Variants in VAV2 observed in about 807,000 individuals in gnomAD.
VAV2 encodes the protein vav guanine nucleotide exchange factor 2.
In VAV2, 67 loss-of-function variants were observed where a neutral mutation model predicts 132.5. The ratio of observed to expected loss-of-function variants is 0.51; its 90% CI spans 0.42 to 0.62. The LOEUF (loss-of-function observed/expected upper bound fraction) is 0.62. Ranked by LOEUF, VAV2 falls within the 20% of genes least tolerant of loss-of-function variation. VAV2 has a pLI of 0.00. For synonymous variants in VAV2, 492 were observed against 443.5 expected, an observed-to-expected ratio of 1.11 and a Z score of -1.37; for missense variants, 938 against 1,153.6, an observed-to-expected ratio of 0.81 and a Z score of 2.71.
intron 2 of VAV2, among the ~76,000 whole-genome samples, chr9:133,915,672 A>ACACACACAATGCACACGTG (rs1263319683): frequency 9.3e-4 from 140 of 151,008 alleles, no homozygotes; most frequent in African/African-American, 3.3e-3. Context: ...ACACATGCAC[A>ACACACACAATGCACACGTG]CACACACAAT....
intron 2 of VAV2, among the ~76,000 whole-genome samples, chr9:133,870,657 T>C (rs1416510171): frequency 6.6e-6 from 1 of 152,078 alleles, no homozygotes; most frequent in Non-Finnish European, 1.5e-5. Flanking sequence ...GTGCTCCTTG[T>C]CTATGACATA....
chr9:133,918,470 G>T lies in VAV2; in HGVS notation c.321+20633C>A, dbSNP rs1345406587. ...GAAAGGCGGCAGACTCCTTCTCGGT[G>T]GCACCCATTGTAAGAGTCAGCCTGG... On this transcript the variant is annotated intron_variant, in intron 2 of 29. Coordinates refer to ENST00000371850, the MANE Select transcript of VAV2 (RefSeq NM_001134398.2). The surrounding 1 kb of genome is among the most constrained non-coding windows in gnomAD (Gnocchi z 4.7). Among the ~76,000 whole-genome samples, 2 of 146,330 alleles carry T rather than the reference G, an allele frequency of 1.4e-5. No homozygotes were observed. The highest frequency in any genetic ancestry group is 5.4e-5 in the African/African-American group (2 of 37,264).
intron 2 of VAV2, among the ~76,000 whole-genome samples, chr9:133,934,800 G>A (rs1480333879): frequency 1.3e-5 from 2 of 152,118 alleles, no homozygotes; most frequent in African/African-American, 4.8e-5. Context: ...CCACAGTCGC[G>A]AGAGCCGATG....
At chr9:133,790,966 G>A (rs900489481) in intron 13 of VAV2, among the ~76,000 whole-genome samples, 3 of 152,146 alleles carry the variant, frequency 2.0e-5, no homozygotes, top group African/African-American at 7.2e-5. Context: ...AGGCATATCT[G>A]GTTGGCATTA....
Position 133,833,059 on chromosome 9 carries a change from A to G in VAV2, c.449+1213T>C, listed in dbSNP as rs980734969. Among the ~76,000 whole-genome samples the G allele has an allele frequency of 2.0e-5, 3 of 152,128 alleles. No homozygotes were observed. The highest frequency in any genetic ancestry group is 7.2e-5 in the African/African-American group (3 of 41,424). On this transcript the variant is annotated intron_variant, in intron 4 of 29. Coordinates refer to ENST00000371850, the MANE Select transcript of VAV2 (RefSeq NM_001134398.2). The surrounding 1 kb of genome is among the most constrained non-coding windows in gnomAD (Gnocchi z 5.6). ...GGGAGTCTGGCCAGTGGGATTTGCC[A>G]AGGACCCCGTGGCCAGCCCAGCATC...
intron 1 of VAV2, among the ~76,000 whole-genome samples, chr9:133,949,892 G>A (rs1439371697): frequency 6.6e-6 from 1 of 152,214 alleles, no homozygotes; most frequent in East Asian, 1.9e-4. Context: ...GCTGTTTAGG[G>A]GTTTCACGCT....
At chr9:133,822,261 G>A (rs547688214) in intron 4 of VAV2, among the ~76,000 whole-genome samples, 4 of 152,330 alleles carry the variant, frequency 2.6e-5, no homozygotes, top group South Asian at 2.1e-4. Context: ...GGGATGCGCC[G>A]CACTGGCCCC....
Position 133,857,471 on chromosome 9 carries a change from T to C in VAV2, c.380+3903A>G, listed in dbSNP as rs1397450551. Among the ~76,000 whole-genome samples the C allele has an allele frequency of 6.6e-6, 1 of 152,230 alleles. No individual in the cohort carries two copies. The highest frequency in any genetic ancestry group is 1.5e-5 in the Non-Finnish European group (1 of 68,050). On this transcript the variant is annotated intron_variant, in intron 3 of 29. Transcript: ENST00000371850. The surrounding 1 kb of genome is among the most constrained non-coding windows in gnomAD (Gnocchi z 4.0). The stretch of plus-strand genomic sequence containing the variant: ...TGCAAGGGTTGTGAAAATGATTTTT[T>C]GAAGGAGCACGTTGGGCTCCTACCC...
intron 3 of VAV2, among the ~76,000 whole-genome samples, chr9:133,848,308 A>G (rs1414132863): frequency 6.6e-6 from 1 of 151,122 alleles, no homozygotes; most frequent in Non-Finnish European, 1.5e-5. Flanking sequence ...AAAAAAATCC[A>G]AAGCAATGAA....
chr9:133,966,811 G>C (rs436817), intron 1 of VAV2, among the ~76,000 whole-genome samples: 99,721 of 152,008 alleles, frequency 0.66, 33,325 homozygotes, highest in East Asian at 0.81. Context: ...GTGGCGGGCA[G>C]ATCACTTGAG....
rs76451492 is a variant in VAV2, at chr9:133,906,191, G to A, written c.321+32912C>T. Among the ~76,000 whole-genome samples, 1,424 of 152,312 alleles carry A rather than the reference G, an allele frequency of 9.3e-3. 26 individuals are homozygous for A. The highest frequency in any genetic ancestry group is 0.032 in the African/African-American group (1,320 of 41,564). On this transcript the variant is annotated intron_variant, in intron 2 of 29. Coordinates refer to ENST00000371850, the MANE Select transcript of VAV2 (RefSeq NM_001134398.2). ...CCCCTCCATGGCCTGGGGCTCTGTG[G>A]GGACCTTCAAACATCCCTGCACACA...
Position 133,918,554 on chromosome 9 carries a change from G to T in VAV2, c.321+20549C>A, listed in dbSNP as rs954569735. Among the ~76,000 whole-genome samples the T allele has an allele frequency of 6.7e-6, 1 of 150,348 alleles. No individual in the cohort carries two copies. Among genetic ancestry groups the T allele is most frequent in the Non-Finnish European group, 1.5e-5 (1 of 67,968 alleles). On this transcript the variant is annotated intron_variant, in intron 2 of 29. Coordinates refer to ENST00000371850, the MANE Select transcript of VAV2 (RefSeq NM_001134398.2). The surrounding 1 kb of genome is among the most constrained non-coding windows in gnomAD (Gnocchi z 4.7). ...CCAAGTCCTTCACGGCAGCTCATTC[G>T]TTCCTGCCTCACAACTCCACGTGGC...
chr9:133,951,976 A>C (rs524538), intron 1 of VAV2, among the ~76,000 whole-genome samples: 58,270 of 151,922 alleles, frequency 0.38, 11,428 homozygotes, highest in Non-Finnish European at 0.42. Context: ...TCCTTGTACC[A>C]TTACACAGCA....
chr9:133,853,080 C>T (rs1444109571), intron 3 of VAV2, among the ~76,000 whole-genome samples: 1 of 152,130 alleles, frequency 6.6e-6, no homozygotes, highest in African/African-American at 2.4e-5. Flanking sequence ...GGATTCCAGC[C>T]GCCAGCCACT....
chr9:133,826,557 A>G lies in VAV2; in HGVS notation c.449+7715T>C, dbSNP rs1196690922. 6.6e-6 allele frequency among the ~76,000 whole-genome samples: 1 copy of G among 152,108 alleles called. No individual in the cohort carries two copies. Among genetic ancestry groups the G allele is most frequent in the Non-Finnish European group, 1.5e-5 (1 of 68,012 alleles). ...GCAGGACCCTGCTCTGCAGACAAGG[A>G]TGCTCCTGGTGGGGCATGTTTACCA... is the stretch of plus-strand genomic sequence containing the variant. On this transcript the variant is annotated intron_variant, in intron 4 of 29. Transcript: ENST00000371850. This position sits in a 1 kb window ranked among gnomAD's most constrained non-coding sequence, Gnocchi z 4.2.
At chr9:133,890,262 C>T (rs1194768108) in intron 2 of VAV2, among the ~76,000 whole-genome samples, 2 of 151,178 alleles carry the variant, frequency 1.3e-5, no homozygotes, top group Non-Finnish European at 3.0e-5. Flanking sequence ...GGAGCCAGAA[C>T]TCGGCTCCAC....
chr9:133,861,588 C>T (rs192877797), intron 2 of VAV2, among the ~76,000 whole-genome samples, 156 bp from the exon 3 acceptor site: 142 of 152,340 alleles, frequency 9.3e-4, no homozygotes, highest in African/African-American at 3.2e-3. Flanking sequence ...AGGCTAGACA[C>T]TTGTTTTGTA....
intron 2 of VAV2, among the ~76,000 whole-genome samples, chr9:133,907,902 C>T (rs1218149506): frequency 0.011 from 761 of 70,428 alleles, 12 homozygotes; most frequent in African/African-American, 0.039. Context: ...GGAGGGAGGG[C>T]CTGGGGCACC....
Position 133,961,509 on chromosome 9 carries a change from T to C in VAV2, c.205-22290A>G, listed in dbSNP as rs1841964590. Among the ~76,000 whole-genome samples, 1 of 152,106 alleles carries C rather than the reference T, an allele frequency of 6.6e-6. No homozygotes were observed. Among genetic ancestry groups the C allele is most frequent in the Non-Finnish European group, 1.5e-5 (1 of 68,018 alleles). On this transcript the variant is annotated intron_variant, in intron 1 of 29. Coordinates refer to ENST00000371850, the MANE Select transcript of VAV2 (RefSeq NM_001134398.2). This position sits in a 1 kb window ranked among gnomAD's most constrained non-coding sequence, Gnocchi z 4.1. ...TTTCAGTGACCCAAGGTCAGAGGCATGGAGGGAGCCCTTTCCCACCCCCCG... is the reference window on the plus strand; with the variant it reads ...TTTCAGTGACCCAAGGTCAGAGGCACGGAGGGAGCCCTTTCCCACCCCCCG...
Sources: allele counts gnomAD v4.1 joint callset (sites outside exome capture counted in the v4.1 genomes callset), GRCh38; gene constraint gnomAD v4.1.1; non-coding constraint Gnocchi (gnomAD v3.1); transcripts MANE v1.5; gene names NCBI Gene and HGNC (gene_info 2026-07-23, HGNC 2026-07-21).